The following PCDH15 variants were observed in gnomAD, a reference collection of about 807,000 sequenced individuals.
PCDH15 encodes the protein protocadherin-15.
A neutral mutation model predicts 178.5 loss-of-function variants in PCDH15; 129 were observed. The observed-to-expected ratio is 0.72, with a 90% CI of 0.63 to 0.84. PCDH15 has a LOEUF of 0.84. Among genes scored for constraint, PCDH15 ranks in the 40% least tolerant of loss-of-function variants. PCDH15 has a pLI of 0.00. For synonymous variants in PCDH15, 800 were observed against 732.0 expected, an observed-to-expected ratio of 1.09 and a Z score of -1.50; for missense variants, 2,230 against 2,099.9, an observed-to-expected ratio of 1.06 and a Z score of -1.21.
At chr10:54,692,232 A>G (rs2135810720) in intron 1 of PCDH15, among the ~76,000 whole-genome samples, 1 of 152,282 alleles carries the variant, frequency 6.6e-6, no homozygotes, top group South Asian at 2.1e-4. Flanking sequence ...ATATATTTCC[A>G]ATTCTTACCT....
At chr10:54,557,432 G>C (rs1431180083) in intron 2 of PCDH15, among the ~76,000 whole-genome samples, 2 of 152,050 alleles carry the variant, frequency 1.3e-5, no homozygotes, top group African/African-American at 2.4e-5. Context: ...TCAAACCCTA[G>C]AAAAAGAGAA....
At position 54,819,828 on chromosome 10, in the gene PCDH15, C is replaced by T. The variant is rs73268265; in HGVS notation, c.-29+77622G>A. Among the ~76,000 whole-genome samples, 559 of 152,046 alleles carry T rather than the reference C, an allele frequency of 3.7e-3. 1 individual carries two copies. The highest frequency in any genetic ancestry group is 0.013 in the African/African-American group (537 of 41,516). On this transcript the variant is annotated intron_variant, in intron 3 of 5. Transcript: ENST00000458638. ...GCACTTGTGAGTAGATCATGTAGAT[C>T]ATGACTAGATTATCTTCATTACTTC... is the stretch of plus-strand genomic sequence containing the variant.
intron 2 of PCDH15, among the ~76,000 whole-genome samples, chr10:55,596,510 T>C (rs1842937856): frequency 6.6e-6 from 1 of 152,078 alleles, no homozygotes. Flanking sequence ...TTTTGGCATA[T>C]GCAAGGCAGA....
intron 2 of PCDH15, among the ~76,000 whole-genome samples, chr10:55,067,637 ATT>A (rs199554150): frequency 1.4e-5 from 2 of 142,064 alleles, no homozygotes. Flanking sequence ...TGATAGTTCT[ATT>A]TTTTTTTTTT....
intron 6 of PCDH15, among the ~76,000 whole-genome samples, chr10:54,332,376 AAT>A (rs200231042): frequency 2.2e-4 from 6 of 27,802 alleles, no homozygotes; most frequent in African/African-American, 9.0e-4. Flanking sequence ...TTATATATAT[AAT>A]ATATATATAG....
intron 2 of PCDH15, among the ~76,000 whole-genome samples, chr10:55,071,907 A>G (rs1841757206): frequency 6.6e-6 from 1 of 152,226 alleles, no homozygotes; most frequent in Non-Finnish European, 1.5e-5. Flanking sequence ...CTCTCAGACC[A>G]CAGTGCAATC....
At chr10:55,140,729 C>T (rs999190838) in intron 2 of PCDH15, among the ~76,000 whole-genome samples, 4 of 151,800 alleles carry the variant, frequency 2.6e-5, no homozygotes, top group African/African-American at 9.7e-5. Context: ...CTCCAGTGGA[C>T]CTGGAGATTT....
chr10:55,018,916 G>A lies in PCDH15; in HGVS notation c.-79-121416C>T, dbSNP rs1015558037. 3.3e-5 allele frequency among the ~76,000 whole-genome samples: 5 copies of A among 151,968 alleles called. No homozygotes were observed. The South Asian group carries it at 1.0e-3, about 32-fold the overall frequency. ...AGTGTATCTTAGAATATAATACATG[G>A]CATAATTTAATATAGTTTTCTTTTC... On this transcript the variant is annotated intron_variant, in intron 2 of 5. Coordinates refer to the PCDH15 transcript ENST00000458638.
intron 9 of PCDH15, among the ~76,000 whole-genome samples, chr10:54,215,502 A>G (rs1285625506): frequency 6.6e-6 from 1 of 152,202 alleles, no homozygotes; most frequent in South Asian, 2.1e-4. Flanking sequence ...TCTTCATGGA[A>G]TATACATGAG....
intron 2 of PCDH15, among the ~76,000 whole-genome samples, chr10:55,070,428 T>A (rs925327222): frequency 1.2e-4 from 18 of 152,126 alleles, no homozygotes; most frequent in African/African-American, 4.1e-4. Flanking sequence ...CGTTTAAGTC[T>A]TTAATCCATC....
chr10:54,341,975 T>C (rs2795924), intron 6 of PCDH15, among the ~76,000 whole-genome samples: 38,891 of 152,088 alleles, frequency 0.26, 5,484 homozygotes, highest in African/African-American at 0.38. Flanking sequence ...AAGCATACAG[T>C]CATAGGCATA....
At chr10:53,944,295 G>A (rs1204402272) in intron 23 of PCDH15, among the ~76,000 whole-genome samples, 2 of 152,068 alleles carry the variant, frequency 1.3e-5, no homozygotes, top group Non-Finnish European at 2.9e-5. Context: ...GTCAGTTTAC[G>A]ATTTTTAAAG....
intron 21 of PCDH15, among the ~76,000 whole-genome samples, chr10:53,970,867 G>A (rs2089610417): frequency 1.3e-5 from 2 of 152,134 alleles, no homozygotes; most frequent in South Asian, 4.1e-4. Context: ...GGTACAAAGT[G>A]GATCTGGTAC....
At chr10:54,026,738 G>A (rs57278491) in intron 18 of PCDH15, among the ~76,000 whole-genome samples, 22,630 of 152,114 alleles carry the variant, frequency 0.15, 3,750 homozygotes, top group African/African-American at 0.4. Flanking sequence ...AAAATTCAAC[G>A]ACACTTCATG....
At chr10:55,599,299 AAGGT>A (rs977568907) in intron 2 of PCDH15, 28 of 152,312 alleles carry the variant, frequency 1.8e-4, no homozygotes, top group African/African-American at 5.8e-4. Context: ...CTGATTGTCC[AAGGT>A]AGAATTTTAG....
chr10:55,402,409 A>G (rs756057465), intron 2 of PCDH15, among the ~76,000 whole-genome samples: 23 of 151,976 alleles, frequency 1.5e-4, no homozygotes, highest in Non-Finnish European at 2.5e-4. Context: ...TGAAACATAC[A>G]ATATGTTGTT....
At chr10:55,219,744 C>T (rs1227918064) in intron 1 of PCDH15, among the ~76,000 whole-genome samples, 1 of 151,630 alleles carries the variant, frequency 6.6e-6, no homozygotes, top group Admixed American at 6.6e-5. Flanking sequence ...TTAGATGCCT[C>T]CGTTTCCAGC....
intron 1 of PCDH15, among the ~76,000 whole-genome samples, chr10:54,727,548 A>G (rs934946382): frequency 6.6e-6 from 1 of 151,528 alleles, no homozygotes; most frequent in East Asian, 1.9e-4. Context: ...GAATAACAAG[A>G]GCAAACCAAT....
intron 20 of PCDH15, among the ~76,000 whole-genome samples, chr10:54,007,479 A>C (rs2092425008): frequency 1.3e-5 from 2 of 152,176 alleles, no homozygotes; most frequent in African/African-American, 4.8e-5. Context: ...AGTAAAATAC[A>C]CAAGTAAATA....
Sources: gnomAD v4.1 joint callset for allele counts (sites outside exome capture counted in the v4.1 genomes callset) on GRCh38, gnomAD v4.1.1 for gene constraint, MANE v1.5 for transcripts, NCBI Gene and HGNC (gene_info 2026-07-23, HGNC 2026-07-21) for gene names.